PCDH15: variants seen among roughly 807,000 people sequenced by gnomAD.
The protein encoded by PCDH15 is protocadherin related 15, also known as protocadherin-15.
A neutral mutation model predicts 178.5 loss-of-function variants in PCDH15; 129 were observed. That is an observed-to-expected ratio of 0.72 (90% CI 0.63 to 0.84). PCDH15 has a LOEUF of 0.84. Among genes scored for constraint, PCDH15 ranks in the 40% least tolerant of loss-of-function variants. The pLI is 0.00. For missense variants in PCDH15, 2,230 were observed against 2,099.9 expected (o/e 1.06, Z -1.21); for synonymous variants, 800 against 732.0 (o/e 1.09, Z -1.50).
chr10:55,050,430 TCAAAA>T (rs1170014010), intron 2 of PCDH15, among the ~76,000 whole-genome samples: 1 of 152,006 alleles, frequency 6.6e-6, no homozygotes, highest in Non-Finnish European at 1.5e-5. Flanking sequence ...TAAAAGTGCA[TCAAAA>T]CAAAACAAAA....
At chr10:53,808,732 G>A (rs778249393) in intron 37 of PCDH15, 21 of 1,612,782 alleles carry the variant, frequency 1.3e-5, no homozygotes, top group Admixed American at 5.0e-5. Context: ...TGCTCCTGGC[G>A]ACTTCTTTTG....
At chr10:55,453,272 G>T (rs1429945280) in intron 2 of PCDH15, among the ~76,000 whole-genome samples, 1 of 152,170 alleles carries the variant, frequency 6.6e-6, no homozygotes, top group Non-Finnish European at 1.5e-5. Context: ...AGGTGGATTA[G>T]ATGCCCTCCC....
chr10:55,395,641 T>C (rs957282168), intron 2 of PCDH15, among the ~76,000 whole-genome samples: 4 of 152,098 alleles, frequency 2.6e-5, no homozygotes, highest in Non-Finnish European at 5.9e-5. Flanking sequence ...CAATTTAGAA[T>C]AGGAGCAACT....
intron 1 of PCDH15, among the ~76,000 whole-genome samples, chr10:54,712,896 T>C (rs1350648249): frequency 6.6e-6 from 1 of 152,092 alleles, no homozygotes. Context: ...AACTTCACTA[T>C]GCAGTAAAAC....
At chr10:53,945,143 C>T (rs1486205772) in intron 23 of PCDH15, among the ~76,000 whole-genome samples, 57 of 151,948 alleles carry the variant, frequency 3.8e-4, no homozygotes, top group Admixed American at 3.7e-3. Context: ...TGTGTATTTT[C>T]AAAATTAATA....
At chr10:55,045,458 G>A (rs867741585) in intron 2 of PCDH15, among the ~76,000 whole-genome samples, 2 of 152,180 alleles carry the variant, frequency 1.3e-5, no homozygotes, top group Middle Eastern at 6.8e-3. Flanking sequence ...ATAGGGAGGA[G>A]AAGTCTTTAT....
At chr10:55,221,105 T>C (rs539033992) in intron 1 of PCDH15, among the ~76,000 whole-genome samples, 10 of 152,158 alleles carry the variant, frequency 6.6e-5, no homozygotes, top group East Asian at 5.8e-4. Context: ...ACAACATGAA[T>C]GGATCTTAAA....
intron 23 of PCDH15, among the ~76,000 whole-genome samples, chr10:53,942,293 C>T (rs11303061): frequency 0.021 from 394 of 18,610 alleles, 2 homozygotes; most frequent in Middle Eastern, 0.12. Flanking sequence ...CCTGCATTTT[C>T]TTTTTGCTTT....
At chr10:55,470,574 G>A (rs1167042758) in intron 2 of PCDH15, among the ~76,000 whole-genome samples, 1 of 152,052 alleles carries the variant, frequency 6.6e-6, no homozygotes, top group South Asian at 2.1e-4. Flanking sequence ...CCATGCAGAA[G>A]GCTTTTATGC....
intron 8 of PCDH15, among the ~76,000 whole-genome samples, chr10:54,294,268 A>C (rs1194352269): frequency 6.6e-6 from 1 of 151,584 alleles, no homozygotes; most frequent in African/African-American, 2.4e-5. Context: ...GAACAATGAG[A>C]ACACTTGGAC....
intron 2 of PCDH15, among the ~76,000 whole-genome samples, chr10:55,422,575 G>C (rs1475829152): frequency 6.6e-6 from 1 of 151,764 alleles, no homozygotes; most frequent in Non-Finnish European, 1.5e-5. Flanking sequence ...AACTAATTTA[G>C]AATTAAAAAT....
intron 1 of PCDH15, among the ~76,000 whole-genome samples, chr10:54,758,526 C>T (rs553291111): frequency 2.6e-4 from 39 of 152,228 alleles, no homozygotes; most frequent in Non-Finnish European, 4.4e-4. Flanking sequence ...CATCATAAAT[C>T]GAGCAGCCTC....
intron 2 of PCDH15, among the ~76,000 whole-genome samples, chr10:54,950,396 G>T (rs1237460170): frequency 6.6e-6 from 1 of 151,932 alleles, no homozygotes; most frequent in African/African-American, 2.4e-5. Flanking sequence ...GGTCTTTCCT[G>T]AGCTGTTCTC....
chr10:54,239,075 T>C (rs1161806499), intron 8 of PCDH15, among the ~76,000 whole-genome samples: 1 of 152,138 alleles, frequency 6.6e-6, no homozygotes, highest in Non-Finnish European at 1.5e-5. Flanking sequence ...TAATTTCTTA[T>C]CTAGAAATTA....
At chr10:55,208,869 AAAC>A (rs1840481165) in intron 1 of PCDH15, among the ~76,000 whole-genome samples, 1 of 152,096 alleles carries the variant, frequency 6.6e-6, no homozygotes, top group Non-Finnish European at 1.5e-5. Flanking sequence ...ACTATGAAGG[AAAC>A]AACATACATG....
intron 2 of PCDH15, among the ~76,000 whole-genome samples, chr10:55,116,299 T>C (rs973471837): frequency 5.3e-5 from 8 of 152,340 alleles, no homozygotes; most frequent in African/African-American, 1.9e-4. Flanking sequence ...TTATTTACAA[T>C]AACCAGGCAT....
chr10:54,591,950 G>T (rs1285982346), intron 2 of PCDH15, among the ~76,000 whole-genome samples: 1 of 152,078 alleles, frequency 6.6e-6, no homozygotes, highest in South Asian at 2.1e-4. Flanking sequence ...GAAGCTTCAA[G>T]TGTACAGGAA....
chr10:54,874,576 T>G (rs540328247), intron 3 of PCDH15, among the ~76,000 whole-genome samples: 119 of 152,164 alleles, frequency 7.8e-4, no homozygotes, highest in African/African-American at 2.8e-3. Context: ...CTAATTAAAC[T>G]AAAGAGCTTC....
At chr10:53,849,721 G>A (rs1412974602) in intron 28 of PCDH15, among the ~76,000 whole-genome samples, 1 of 151,424 alleles carries the variant, frequency 6.6e-6, no homozygotes, top group Non-Finnish European at 1.5e-5. Context: ...AAAATTAGCC[G>A]GGCATGGTGG....
Sources: gnomAD v4.1 joint callset for allele counts (sites outside exome capture counted in the v4.1 genomes callset) on GRCh38, gnomAD v4.1.1 for gene constraint, MANE v1.5 for transcripts, NCBI Gene and HGNC (gene_info 2026-07-23, HGNC 2026-07-21) for gene names.